ABCC12: variants seen among roughly 807,000 people sequenced by gnomAD.
The protein encoded by ABCC12 is ATP binding cassette subfamily C member 12, also known as ATP-binding cassette sub-family C member 12.
ABCC12 carries 142 observed loss-of-function variants against 151.1 expected under a neutral mutation model. That is an observed-to-expected ratio of 0.94 (90% CI 0.82 to 1.08). The LOEUF (loss-of-function observed/expected upper bound fraction) is 1.08. Among genes scored for constraint, ABCC12 ranks in the 50% least tolerant of loss-of-function variants. ABCC12 has a pLI of 0.00. For synonymous variants in ABCC12, 645 were observed against 646.4 expected (o/e 1.00, Z 0.03); for missense variants, 1,638 against 1,691.1 (o/e 0.97, Z 0.55).
chr16:48,104,184 A>T lies in ABCC12; in HGVS notation c.2858T>A (p.Leu953Ter). ...GCCTACAGCAAGGCTGGCCACGACTAAAAGGACAGCAGGAAACACAGCAGC... is the reference window on the plus strand; with the variant it reads ...GCCTACAGCAAGGCTGGCCACGACTTAAAGGACAGCAGGAAACACAGCAGC... ...ILAAVFPAVL[L>*]VVASLAVGFF... The change falls in exon 22 of 31, where the codon TTA becomes TAA. Residue 953 changes from leucine to a stop codon, truncating the protein, a stop_gained. Coordinates refer to ENST00000311303, the MANE Select transcript of ABCC12 (RefSeq NM_001393797.1). LOFTEE classifies it high-confidence loss of function. 6.2e-7 allele frequency: 1 copy of T among 1,614,244 alleles called. No homozygotes were observed.
intron 3 of ABCC12, 124 bp from the exon 4 acceptor site, chr16:48,144,189 A>G: frequency 8.5e-7 from 1 of 1,182,942 alleles, no homozygotes. Context: ...ACTTGCATTC[A>G]TTATGTTTAT....
rs371162722 is a variant in ABCC12, at chr16:48,090,991, G to C, written c.3285+129C>G. 33 of 891,428 alleles carry C rather than the reference G, an allele frequency of 3.7e-5. 3 individuals are homozygous for C. The South Asian group carries it at 4.7e-4, about 13-fold the overall frequency. 55.2% of individuals were successfully genotyped at this position (891,428 alleles called of 1,614,324 possible). ...CTCCCAAAGTGCTGGGATTATAGGC[G>C]TAAGCCACCACGCCCGGCCCGATTT... On this transcript the variant is annotated intron_variant, in intron 25 of 30. Transcript: ENST00000311303.
At chr16:48,111,363 T>C (rs1963678921) in intron 18 of ABCC12, 73 bp downstream of exon 18, 2 of 1,527,240 alleles carry the variant, frequency 1.3e-6, no homozygotes, top group Non-Finnish European at 1.8e-6. Flanking sequence ...GTGTCTACAC[T>C]GTCTGTATCC....
intron 28 of ABCC12, 147 bp from the exon 29 acceptor site, chr16:48,085,853 T>C: frequency 1.5e-6 from 1 of 656,186 alleles, no homozygotes; most frequent in Non-Finnish European, 2.7e-6. Context: ...ATCATTTCAA[T>C]ATTGCAAACA....
At chr16:48,123,047 G>A (rs186431768) in intron 12 of ABCC12, among the ~76,000 whole-genome samples, 5 of 152,320 alleles carry the variant, frequency 3.3e-5, no homozygotes, top group Non-Finnish European at 5.9e-5. Context: ...CCACAGCCAG[G>A]GGCCTGATCC....
chr16:48,100,738 A>C (rs1963274583), intron 23 of ABCC12, 134 bp downstream of exon 23: 1 of 1,099,360 alleles, frequency 9.1e-7, no homozygotes, highest in African/African-American at 1.6e-5. Flanking sequence ...GTCTTCAAGG[A>C]CTCCTCCTGA....
At chr16:48,107,650 A>G (rs991166813) in intron 19 of ABCC12, among the ~76,000 whole-genome samples, 8 of 152,234 alleles carry the variant, frequency 5.3e-5, no homozygotes, top group African/African-American at 1.9e-4. Context: ...AACAGTGAAC[A>G]TATTGGAAAA....
chr16:48,112,847 C>T (rs1365357495), intron 15 of ABCC12, among the ~76,000 whole-genome samples: 1 of 152,174 alleles, frequency 6.6e-6, no homozygotes, highest in Non-Finnish European at 1.5e-5. Context: ...GAGATAAAAA[C>T]ACAGCTACAT....
chr16:48,151,254 C>A (rs550991919), intron 2 of ABCC12, among the ~76,000 whole-genome samples: 1 of 152,134 alleles, frequency 6.6e-6, no homozygotes. Context: ...AACCTCATAA[C>A]GCCGGTCTAA....
chr16:48,155,453 G>C (rs1342888971), intron 1 of ABCC12, among the ~76,000 whole-genome samples: 1 of 149,328 alleles, frequency 6.7e-6, no homozygotes, highest in Non-Finnish European at 1.5e-5. Context: ...CTTTTTTTTT[G>C]GGGGGGAGGT....
At chr16:48,099,340 T>C (rs1188347786) in intron 23 of ABCC12, among the ~76,000 whole-genome samples, 2 of 152,078 alleles carry the variant, frequency 1.3e-5, no homozygotes, top group African/African-American at 2.4e-5. Flanking sequence ...GAAGTTGCAA[T>C]GAGCCGAGAT....
At chr16:48,113,362 T>C (rs111828718) in intron 15 of ABCC12, among the ~76,000 whole-genome samples, 4,912 of 152,266 alleles carry the variant, frequency 0.032, 228 homozygotes, top group African/African-American at 0.11. Context: ...TCCAGTCCCA[T>C]AGCCACAGCA....
At chr16:48,124,086 A>G in intron 12 of ABCC12, 127 bp downstream of exon 12, 1 of 1,041,552 alleles carries the variant, frequency 9.6e-7, no homozygotes, top group Non-Finnish European at 1.5e-6. Context: ...CCCAAAAATT[A>G]TTGTGAACCA....
intron 24 of ABCC12, among the ~76,000 whole-genome samples, chr16:48,092,076 G>A (rs1022032005): frequency 3.3e-5 from 5 of 152,212 alleles, no homozygotes; most frequent in African/African-American, 1.2e-4. Flanking sequence ...CACAGAAGCT[G>A]GAAGAGAGAA....
rs1343529336 is a variant in ABCC12, at chr16:48,083,908, C to G, written c.3993+1G>C. On this transcript the variant is annotated splice_donor_variant, in intron 30 of 30. Coordinates refer to ENST00000311303, the MANE Select transcript of ABCC12 (RefSeq NM_001393797.1). LOFTEE classifies it high-confidence loss of function. Reference sequence around the variant, plus strand: ...GGTGAAGCCAAAAGAGCTTCCTATACCTTCCCATTTTCCATAACCAGGACG... The same window carrying G: ...GGTGAAGCCAAAAGAGCTTCCTATAGCTTCCCATTTTCCATAACCAGGACG... 6.2e-7 allele frequency: 1 copy of G among 1,612,166 alleles called. No homozygotes were observed.
chr16:48,083,597 T>C lies in ABCC12; in HGVS notation c.*118A>G. Reference sequence around the variant, plus strand: ...ACAACTTCAGCCCCAGCTCACTCCGTGGATGGGAGGGGCTGAAGACCAGGG... The same window carrying C: ...ACAACTTCAGCCCCAGCTCACTCCGCGGATGGGAGGGGCTGAAGACCAGGG... On this transcript the variant is annotated 3_prime_UTR_variant, in exon 31 of 31. Coordinates refer to ENST00000311303, the MANE Select transcript of ABCC12 (RefSeq NM_001393797.1). The C allele has an allele frequency of 9.8e-7, 1 of 1,023,864 alleles. No individual in the cohort carries two copies. Among genetic ancestry groups the C allele is most frequent in the Non-Finnish European group, 1.5e-6 (1 of 686,696 alleles). The allele number at this position is 1,023,864 out of a possible 1,614,324, so 63.4% of individuals were successfully genotyped here. A position where few individuals can be genotyped will look rare whatever the true frequency, so the allele number is the denominator to read the frequency against.
In ABCC12 at chr16:48,140,677, G is replaced by T; in HGVS notation, c.657+10C>A. 1.9e-6 allele frequency: 3 copies of T among 1,612,742 alleles called. No individual in the cohort carries two copies. Among genetic ancestry groups the T allele is most frequent in the Non-Finnish European group, 2.5e-6 (3 of 1,178,970 alleles). The stretch of plus-strand genomic sequence containing the variant: ...ATTTTCCAACATTAAACTCCTCTGA[G>T]CCAGCTTACCTCGCCAACAGAGATG... On this transcript the variant is annotated intron_variant, in intron 6 of 30. Coordinates refer to ENST00000311303, the MANE Select transcript of ABCC12 (RefSeq NM_001393797.1).
chr16:48,135,867 C>T (rs542032929), intron 8 of ABCC12, among the ~76,000 whole-genome samples: 1 of 152,284 alleles, frequency 6.6e-6, no homozygotes, highest in African/African-American at 2.4e-5. Flanking sequence ...AAGCCTCCTT[C>T]ACCTCCTGTT....
Position 48,128,525 on chromosome 16 carries a change from AGTGGC to A in ABCC12, c.1444_1448del (p.Ala482TrpfsTer7). 1 of 1,614,260 alleles carries A rather than the reference AGTGGC, an allele frequency of 6.2e-7. No individual in the cohort carries two copies. Among genetic ancestry groups the A allele is most frequent in the Non-Finnish European group, 8.5e-7 (1 of 1,180,052 alleles). Reference sequence around the variant, plus strand: ...GGCTGTCACTTTGCTCCTCTGGGCCAGTGGCTCCCTTGGCTGGTGGACTCCTCTCA... The same window carrying A: ...GGCTGTCACTTTGCTCCTCTGGGCCATCCCTTGGCTGGTGGACTCCTCTCA... On this transcript the variant is annotated frameshift_variant, in exon 11 of 31. Transcript: ENST00000311303. LOFTEE classifies it high-confidence loss of function.
Sources: gnomAD v4.1 joint callset for allele counts (sites outside exome capture counted in the v4.1 genomes callset) on GRCh38, gnomAD v4.1.1 for gene constraint, MANE v1.5 for transcripts, NCBI Gene and HGNC (gene_info 2026-07-23, HGNC 2026-07-21) for gene names.